IPO11: variants seen among roughly 807,000 people sequenced by gnomAD.
The protein encoded by IPO11 is importin-11.
Under a neutral mutation model 143.2 loss-of-function variants are expected in IPO11, and 66 were observed. The ratio of observed to expected loss-of-function variants is 0.46; its 90% CI spans 0.38 to 0.57. The LOEUF is 0.57. Among genes scored for constraint, IPO11 ranks in the 20% least tolerant of loss-of-function variants. IPO11 has a pLI of 0.00. For synonymous variants in IPO11, 385 were observed against 377.8 expected (o/e 1.02, Z -0.22); for missense variants, 1,026 against 1,141.0 (o/e 0.90, Z 1.45).
At chr5:62,598,216 G>T (rs1183257022) in intron 28 of IPO11, among the ~76,000 whole-genome samples, 1 of 151,858 alleles carries the variant, frequency 6.6e-6, no homozygotes, top group African/African-American at 2.4e-5. Context: ...TGGCACTGGG[G>T]GGCTGGGATC....
At chr5:62,555,979 A>C (rs897575623) in intron 26 of IPO11, among the ~76,000 whole-genome samples, 3 of 152,044 alleles carry the variant, frequency 2.0e-5, no homozygotes, top group Non-Finnish European at 2.9e-5. Flanking sequence ...TCTAGTTTTT[A>C]ATTAAGAAAA....
At chr5:62,434,882 G>A (rs1744115587) in intron 1 of IPO11, among the ~76,000 whole-genome samples, 1 of 151,276 alleles carries the variant, frequency 6.6e-6, no homozygotes, top group South Asian at 2.1e-4. Flanking sequence ...AAAATTAGCT[G>A]GGCGTGGTGG....
At chr5:62,500,856 C>T (rs1741323013) in intron 16 of IPO11, among the ~76,000 whole-genome samples, 1 of 152,320 alleles carries the variant, frequency 6.6e-6, no homozygotes, top group South Asian at 2.1e-4. Context: ...ACACCAGCAT[C>T]ACCGCAAATG....
At chr5:62,472,141 A>G (rs997888384) in intron 7 of IPO11, among the ~76,000 whole-genome samples, 1 of 152,182 alleles carries the variant, frequency 6.6e-6, no homozygotes, top group African/African-American at 2.4e-5. Flanking sequence ...TGTGACTCGG[A>G]GCTTGGAACA....
intron 12 of IPO11, among the ~76,000 whole-genome samples, chr5:62,485,906 A>C (rs1207395284): frequency 2.0e-5 from 3 of 150,986 alleles, no homozygotes; most frequent in Admixed American, 6.6e-5. Context: ...CAGATAAGAA[A>C]CTGTTTATAA....
chr5:62,610,960 CTTGTTTTTATCTATGCTTTGCTCACA>C (rs1399613312), intron 29 of IPO11, among the ~76,000 whole-genome samples: 1 of 152,112 alleles, frequency 6.6e-6, no homozygotes, highest in Non-Finnish European at 1.5e-5. Flanking sequence ...GAAAGATGTA[CTTGTTTTTATCTATGCTTTGCTCACA>C]TTCTACCTGC....
intron 29 of IPO11, among the ~76,000 whole-genome samples, chr5:62,623,272 T>C (rs1055860890): frequency 2.6e-5 from 4 of 152,216 alleles, no homozygotes; most frequent in Admixed American, 1.3e-4. Flanking sequence ...ACCTAGTGTA[T>C]TTATATGTCT....
At chr5:62,465,717 C>T (rs959372577) in intron 5 of IPO11, among the ~76,000 whole-genome samples, 2 of 152,198 alleles carry the variant, frequency 1.3e-5, no homozygotes, top group African/African-American at 4.8e-5. Flanking sequence ...GAAGTATACA[C>T]ACAAGATGAG....
chr5:62,517,885 G>A (rs538291108), intron 20 of IPO11, among the ~76,000 whole-genome samples: 11 of 152,058 alleles, frequency 7.2e-5, no homozygotes, highest in African/African-American at 1.7e-4. Flanking sequence ...TATTTGTACC[G>A]GCCAAGAGTG....
chr5:62,596,268 C>CAAAA (rs71608515), intron 28 of IPO11, among the ~76,000 whole-genome samples: 11 of 95,670 alleles, frequency 1.1e-4, no homozygotes, highest in African/African-American at 1.8e-4. Flanking sequence ...GGCCCTGTCT[C>CAAAA]AAAAAAAAAA....
chr5:62,440,293 CT>C, intron 2 of IPO11, among the ~76,000 whole-genome samples: 1 of 142,794 alleles, frequency 7.0e-6, no homozygotes, highest in East Asian at 2.1e-4. Context: ...AATCTTTTTT[CT>C]TTTTTTTTGT....
chr5:62,527,834 C>T (rs973857939), intron 21 of IPO11, among the ~76,000 whole-genome samples: 1 of 152,048 alleles, frequency 6.6e-6, no homozygotes, highest in African/African-American at 2.4e-5. Context: ...ATGAATTTTT[C>T]TTGATGGGTT....
intron 29 of IPO11, among the ~76,000 whole-genome samples, chr5:62,608,380 A>G (rs1284112143): frequency 6.6e-6 from 1 of 152,118 alleles, no homozygotes; most frequent in Non-Finnish European, 1.5e-5. Flanking sequence ...AGGCATACAT[A>G]TTTTCTAAAA....
intron 16 of IPO11, among the ~76,000 whole-genome samples, chr5:62,494,942 ACCC>A (rs1301598175): frequency 6.6e-6 from 1 of 151,922 alleles, no homozygotes; most frequent in Non-Finnish European, 1.5e-5. Flanking sequence ...TTTAGTTTGA[ACCC>A]ACCTGGTTTT....
intron 26 of IPO11, among the ~76,000 whole-genome samples, chr5:62,553,986 C>T (rs1743482612): frequency 6.6e-6 from 1 of 152,164 alleles, no homozygotes; most frequent in African/African-American, 2.4e-5. Context: ...CCGCCTCGGC[C>T]TCCCAAAGTG....
chr5:62,461,729 G>A (rs1745364565), intron 5 of IPO11, among the ~76,000 whole-genome samples: 1 of 152,128 alleles, frequency 6.6e-6, no homozygotes, highest in Non-Finnish European at 1.5e-5. Flanking sequence ...TACCTGCTGT[G>A]TGCCAGGCAT....
chr5:62,552,507 T>C (rs1476862272), intron 26 of IPO11, among the ~76,000 whole-genome samples: 1 of 151,332 alleles, frequency 6.6e-6, no homozygotes, highest in Non-Finnish European at 1.5e-5. Flanking sequence ...AGATGAGGTC[T>C]TGCTATATTT....
chr5:62,582,347 G>A (rs1004707715), intron 27 of IPO11, among the ~76,000 whole-genome samples: 1 of 152,184 alleles, frequency 6.6e-6, no homozygotes, highest in Non-Finnish European at 1.5e-5. Context: ...ATTGGTTGAG[G>A]CGTGGCAGGG....
At chr5:62,599,883 G>A (rs1745439650) in intron 28 of IPO11, among the ~76,000 whole-genome samples, 1 of 152,292 alleles carries the variant, frequency 6.6e-6, no homozygotes, top group Non-Finnish European at 1.5e-5. Context: ...TCAACAAAAT[G>A]AGATTTGACT....
Sources: allele counts gnomAD v4.1 joint callset (sites outside exome capture counted in the v4.1 genomes callset), GRCh38; gene constraint gnomAD v4.1.1; transcripts MANE v1.5; gene names NCBI Gene and HGNC (gene_info 2026-07-23, HGNC 2026-07-21).